The following GALNS variants were observed in gnomAD, a reference collection of about 807,000 sequenced individuals.
The protein encoded by GALNS is galactosamine (N-acetyl)-6-sulfatase, also known as N-acetylgalactosamine-6-sulfatase.
A neutral mutation model predicts 65.9 loss-of-function variants in GALNS; 65 were observed. The ratio of observed to expected loss-of-function variants is 0.99; its 90% CI spans 0.81 to 1.21. The LOEUF (loss-of-function observed/expected upper bound fraction) is 1.21. Among genes scored for constraint, GALNS ranks in the 50% most tolerant of loss-of-function variants. The pLI, the probability that GALNS is intolerant of heterozygous loss-of-function variation, is 0.00. For synonymous variants in GALNS, 346 were observed against 288.9 expected (o/e 1.20, Z -2.00); for missense variants, 776 against 700.7 (o/e 1.11, Z -1.21).
In GALNS at chr16:88,856,816, C is replaced by G; in HGVS notation, c.62G>C (p.Gly21Ala). Residue 21 changes from glycine (G) to alanine (A), a missense_variant, in exon 1 of 14, where the codon GGG becomes GCG. Physicochemically the swap from Gly to Ala is moderately conservative, Grantham distance 60. Transcript: ENST00000268695. Reference protein sequence around the residue: ...WQLLLVLSAAGMGASGAPQPP... With the variant: ...WQLLLVLSAAAMGASGAPQPP... ...CTGCGGGGCGCCCGAGGCCCCCATC[C>G]CCGCGGCGCTGAGCACCAGCAACAG... The G allele has an allele frequency of 6.5e-7, 1 of 1,534,840 alleles. No individual in the cohort carries two copies. Among genetic ancestry groups the G allele is most frequent in the Non-Finnish European group, 8.7e-7 (1 of 1,151,034 alleles).
intron 9 of GALNS, 117 bp downstream of exon 9, chr16:88,831,881 G>A: frequency 1.2e-6 from 1 of 820,154 alleles, no homozygotes; most frequent in Admixed American, 2.0e-5. Flanking sequence ...GTGGGGAGGA[G>A]AGCGGTGAGG....
At chr16:88,835,009 A>G (rs1216427115) in intron 8 of GALNS, among the ~76,000 whole-genome samples, 1 of 151,984 alleles carries the variant, frequency 6.6e-6, no homozygotes, top group Non-Finnish European at 1.5e-5. Flanking sequence ...CCCACCCCCA[A>G]GTTCAAGGTC....
At chr16:88,829,366 C>G (rs1438657310) in intron 9 of GALNS, among the ~76,000 whole-genome samples, 1 of 152,202 alleles carries the variant, frequency 6.6e-6, no homozygotes, top group Non-Finnish European at 1.5e-5. Context: ...GGAGGCCGTG[C>G]CCACCACCCA....
chr16:88,850,905 T>C (rs1967477207), intron 1 of GALNS, among the ~76,000 whole-genome samples: 1 of 152,162 alleles, frequency 6.6e-6, no homozygotes, highest in Admixed American at 6.5e-5. Flanking sequence ...TGTGGCAAGG[T>C]GAGCTGCTCC....
chr16:88,848,034 A>C (rs1188077667), intron 1 of GALNS, among the ~76,000 whole-genome samples: 3 of 152,228 alleles, frequency 2.0e-5, no homozygotes, highest in African/African-American at 7.2e-5. Flanking sequence ...TGGAGTCCTC[A>C]CACAGGCTGT....
Position 88,837,636 on chromosome 16 carries a change from C to A in GALNS, c.552G>T (p.Trp184Cys). ...ARPNIPVYRD[W>C]EMVGRYYEEF... is the part of the protein sequence containing the mutation. ...GGCTCCATTACCTGCCAACCATCTC[C>A]CAGTCCCTGTACACAGGGATGTTGG... Residue 184 changes from tryptophan to cysteine, a missense_variant, in exon 5 of 14, where the codon TGG (tryptophan) becomes TGT (cysteine). Trp to Cys is a radical substitution (Grantham distance 215). Transcript: ENST00000268695. The A allele has an allele frequency of 6.2e-7, 1 of 1,613,530 alleles. No homozygotes were observed. Among genetic ancestry groups the A allele is most frequent in the Non-Finnish European group, 8.5e-7 (1 of 1,179,986 alleles).
At chr16:88,847,519 G>C (rs1344454699) in intron 1 of GALNS, among the ~76,000 whole-genome samples, 1 of 152,196 alleles carries the variant, frequency 6.6e-6, no homozygotes, top group African/African-American at 2.4e-5. Context: ...TGTGCCTGGA[G>C]GCCGAGTGGG....
At chr16:88,850,954 C>G (rs1037956101) in intron 1 of GALNS, among the ~76,000 whole-genome samples, 6 of 152,336 alleles carry the variant, frequency 3.9e-5, no homozygotes, top group African/African-American at 1.2e-4. Flanking sequence ...TTCCCAGACG[C>G]CAGCCGAGGG....
At chr16:88,846,605 G>T (rs1220469078) in intron 1 of GALNS, among the ~76,000 whole-genome samples, 1 of 144,430 alleles carries the variant, frequency 6.9e-6, no homozygotes, top group Non-Finnish European at 1.5e-5. Flanking sequence ...TTGCCTGCAC[G>T]ATCTCGGCTC....
At chr16:88,854,034 G>A (rs562844554) in intron 1 of GALNS, among the ~76,000 whole-genome samples, 5 of 152,324 alleles carry the variant, frequency 3.3e-5, no homozygotes, top group South Asian at 2.1e-4. Flanking sequence ...TTGCTTAGAC[G>A]AAAGGGGGGC....
chr16:88,838,384 A>G (rs1026623878), intron 4 of GALNS, among the ~76,000 whole-genome samples: 1 of 152,074 alleles, frequency 6.6e-6, no homozygotes, highest in African/African-American at 2.4e-5. Flanking sequence ...TGACGACAAG[A>G]GAACGTGACA....
intron 1 of GALNS, among the ~76,000 whole-genome samples, chr16:88,851,341 C>G (rs549715142): frequency 6.6e-6 from 1 of 152,172 alleles, no homozygotes; most frequent in Non-Finnish European, 1.5e-5. Context: ...CAGACAGACA[C>G]TGTCACTAAA....
intron 4 of GALNS, among the ~76,000 whole-genome samples, chr16:88,839,639 C>G (rs1035645746): frequency 6.6e-6 from 1 of 152,200 alleles, no homozygotes; most frequent in Admixed American, 6.5e-5. Flanking sequence ...GGATAGGGAC[C>G]CCCCCACCTG....
chr16:88,851,514 G>A (rs1026359079), intron 1 of GALNS, among the ~76,000 whole-genome samples: 1 of 152,198 alleles, frequency 6.6e-6, no homozygotes, highest in South Asian at 2.1e-4. Context: ...TGGTTGGACA[G>A]TGAGTGCAGC....
chr16:88,856,024 A>T lies in GALNS; in HGVS notation c.120+734T>A, dbSNP rs924981807. On this transcript the variant is annotated intron_variant, in intron 1 of 13. Coordinates refer to ENST00000268695, the MANE Select transcript of GALNS (RefSeq NM_000512.5). ...CTTGGAGACAGTAGGGTTTCAACCCAGGTGTGTCTGGGGTCCTGCACGGTG... is the reference window on the plus strand; with the variant it reads ...CTTGGAGACAGTAGGGTTTCAACCCTGGTGTGTCTGGGGTCCTGCACGGTG... 8 of 609,444 alleles carry T rather than the reference A, an allele frequency of 1.3e-5. No homozygotes were observed. In the African/African-American group the frequency reaches 1.5e-4, roughly 11 times the overall value. 37.8% of individuals were successfully genotyped at this position (609,444 alleles called of 1,614,324 possible).
chr16:88,829,145 C>G (rs549132550), intron 9 of GALNS, among the ~76,000 whole-genome samples: 1 of 151,232 alleles, frequency 6.6e-6, no homozygotes, highest in Non-Finnish European at 1.5e-5. Context: ...ACGCGGGTCC[C>G]GAGTCTCATG....
At chr16:88,833,124 A>G (rs1389561110) in intron 8 of GALNS, among the ~76,000 whole-genome samples, 1 of 152,098 alleles carries the variant, frequency 6.6e-6, no homozygotes, top group African/African-American at 2.4e-5. Context: ...CGGCAGTGAA[A>G]AAGTGAACCA....
At chr16:88,847,474 C>A (rs1475321879) in intron 1 of GALNS, among the ~76,000 whole-genome samples, 3 of 152,246 alleles carry the variant, frequency 2.0e-5, no homozygotes, top group Non-Finnish European at 4.4e-5. Context: ...AGTAGGACTG[C>A]CACCTGCATG....
intron 1 of GALNS, chr16:88,856,392 T>A (rs113899369): frequency 1.4e-6 from 1 of 700,568 alleles, no homozygotes; most frequent in Non-Finnish European, 2.6e-6. Context: ...TTCCCAAGAG[T>A]AGAGGGCGGG....
Sources: gnomAD v4.1 joint callset for allele counts (sites outside exome capture counted in the v4.1 genomes callset) on GRCh38, gnomAD v4.1.1 for gene constraint, MANE v1.5 for transcripts, NCBI Gene and HGNC (gene_info 2026-07-23, HGNC 2026-07-21) for gene names.